The following UBXN7 variants were observed in gnomAD, a reference collection of about 807,000 sequenced individuals.
The protein encoded by UBXN7 is UBX domain protein 7, also known as UBX domain-containing protein 7.
Under a neutral mutation model 58.0 loss-of-function variants are expected in UBXN7, and 9 were observed. That is an observed-to-expected ratio of 0.16 (90% confidence interval 0.09 to 0.27). The LOEUF (loss-of-function observed/expected upper bound fraction) is 0.27. UBXN7 is among the 10% of genes least tolerant of loss of function. The pLI, the probability that UBXN7 is intolerant of heterozygous loss-of-function variation, is 1.00. For synonymous variants in UBXN7, 208 were observed against 205.0 expected, an observed-to-expected ratio of 1.01 and a Z score of -0.12; for missense variants, 328 against 599.6, an observed-to-expected ratio of 0.55 and a Z score of 4.73.
Position 196,375,881 on chromosome 3 carries a change from T to C in UBXN7, c.469-3839A>G, listed in dbSNP as rs1048012145. ...CCATCTCTACTAACGATACTAAAATTAGACGAGCGTGGTGGCGCATGCCTG... is the reference window on the plus strand; with the variant it reads ...CCATCTCTACTAACGATACTAAAATCAGACGAGCGTGGTGGCGCATGCCTG... On this transcript the variant is annotated intron_variant, in intron 5 of 10. Transcript: ENST00000296328. 2.0e-5 allele frequency among the ~76,000 whole-genome samples: 3 copies of C among 152,070 alleles called. 1 individual carries two copies. The highest frequency in any genetic ancestry group is 1.3e-4 in the Admixed American group (2 of 15,254).
chr3:196,393,514 A>G (rs1230650944), intron 4 of UBXN7, 40 bp downstream of exon 4: 1 of 1,566,916 alleles, frequency 6.4e-7, no homozygotes, highest in Non-Finnish European at 8.7e-7. Context: ...TTTAATAGGA[A>G]GAGAAGAGGG....
Position 196,354,029 on chromosome 3 carries a change from T to C in UBXN7, c.*2656A>G, listed in dbSNP as rs1388143106. On this transcript the variant is annotated 3_prime_UTR_variant, in exon 11 of 11. Coordinates refer to ENST00000296328, the MANE Select transcript of UBXN7 (RefSeq NM_015562.2). ...GAAGTAAGGCAAACTGGAAGAAGCA[T>C]ACTGTCAGCGGATTAAATTCTTGAG... 6.6e-6 allele frequency: 1 copy of C among 152,222 alleles called. No homozygotes were observed. Among genetic ancestry groups the C allele is most frequent in the Non-Finnish European group, 1.5e-5 (1 of 68,056 alleles). 9.4% of individuals were successfully genotyped at this position (152,222 alleles called of 1,614,324 possible).
At chr3:196,362,248 C>G in intron 9 of UBXN7, 46 bp downstream of exon 9, 1 of 1,541,656 alleles carries the variant, frequency 6.5e-7, no homozygotes, top group Non-Finnish European at 8.7e-7. Flanking sequence ...CCACGCCCGG[C>G]CCCAATATCT....
intron 5 of UBXN7, among the ~76,000 whole-genome samples, chr3:196,382,352 G>T (rs1242137132): frequency 6.6e-6 from 1 of 152,170 alleles, no homozygotes; most frequent in African/African-American, 2.4e-5. Flanking sequence ...TTAAAGAAAA[G>T]AATTTTCAAC....
chr3:196,409,768 C>T (rs1171850659), intron 1 of UBXN7, among the ~76,000 whole-genome samples: 1 of 152,066 alleles, frequency 6.6e-6, no homozygotes, highest in African/African-American at 2.4e-5. Flanking sequence ...TTTCAGGCCC[C>T]TTTCCTTGCT....
chr3:196,412,236 AAAAAAAAAAAAAAG>A (rs1341339111), intron 1 of UBXN7, among the ~76,000 whole-genome samples: 3 of 112,596 alleles, frequency 2.7e-5, no homozygotes, highest in African/African-American at 9.2e-5. Flanking sequence ...GTCTCAAAAA[AAAAAAAAAAAAAAG>A]AAAAAAGAAA....
At chr3:196,357,044 ATTAC>A (rs954531497) in intron 10 of UBXN7, among the ~76,000 whole-genome samples, 198 bp from the exon 11 acceptor site, 6 of 152,250 alleles carry the variant, frequency 3.9e-5, no homozygotes, top group Non-Finnish European at 7.3e-5. Flanking sequence ...TCTGACCCCA[ATTAC>A]TTACAGCCAT....
At chr3:196,423,559 T>C (rs1056350342) in intron 1 of UBXN7, 8 of 162,252 alleles carry the variant, frequency 4.9e-5, no homozygotes, top group African/African-American at 1.7e-4. Flanking sequence ...AGCTGGGTCA[T>C]GGAAGAGTGG....
chr3:196,376,968 C>T (rs1729047831), intron 5 of UBXN7, among the ~76,000 whole-genome samples: 1 of 151,752 alleles, frequency 6.6e-6, no homozygotes, highest in Admixed American at 6.6e-5. Flanking sequence ...ATCACTTGAA[C>T]CCAGGAAGTT....
At chr3:196,364,385 G>A (rs1254991912) in intron 8 of UBXN7, among the ~76,000 whole-genome samples, 5 of 151,982 alleles carry the variant, frequency 3.3e-5, no homozygotes, top group African/African-American at 9.7e-5. Flanking sequence ...AATAAAAAAG[G>A]CTTTATCTTT....
In UBXN7 at chr3:196,348,938, AAAACAAAACAAAAC is replaced by A. The variant is rs1268775753; in HGVS notation, c.*7733_*7746del. On this transcript the variant is annotated 3_prime_UTR_variant, in exon 11 of 11. Coordinates refer to ENST00000296328, the MANE Select transcript of UBXN7 (RefSeq NM_015562.2). ...TCCTGAAGGGCAAACAAAACAAAAC[AAAACAAAACAAAAC>A]AAACAAAACAAAAAGTAACACTGGA... 2 of 152,122 alleles carry A rather than the reference AAAACAAAACAAAAC, an allele frequency of 1.3e-5. No homozygotes were observed. The highest frequency in any genetic ancestry group is 4.8e-5 in the African/African-American group (2 of 41,398). 9.4% of individuals were successfully genotyped at this position (152,122 alleles called of 1,614,324 possible).
intron 2 of UBXN7, among the ~76,000 whole-genome samples, chr3:196,404,483 C>T (rs1030859625): frequency 1.3e-5 from 2 of 151,998 alleles, no homozygotes; most frequent in Admixed American, 6.6e-5. Context: ...AGGATGGTCT[C>T]AATCTCCTGA....
intron 3 of UBXN7, 104 bp from the exon 4 acceptor site, chr3:196,393,723 C>G (rs1235510296): frequency 6.3e-6 from 7 of 1,107,280 alleles, no homozygotes; most frequent in Middle Eastern, 5.5e-4. Context: ...CATATGAAAC[C>G]CTTCACGAAC....
intron 10 of UBXN7, among the ~76,000 whole-genome samples, chr3:196,361,279 G>A (rs1728497894): frequency 6.6e-6 from 1 of 152,166 alleles, no homozygotes; most frequent in Non-Finnish European, 1.5e-5. Flanking sequence ...TTAAAGGGAG[G>A]GGGGTTGCTT....
At position 196,362,369 on chromosome 3, in the gene UBXN7, G is replaced by A. The variant is rs1728529397; in HGVS notation, c.1153C>T (p.Pro385Ser). The change falls in exon 9 of 11, where the codon CCA becomes TCA. Residue 385 changes from proline (P) to serine (S), a missense_variant. Physicochemically the swap from Pro to Ser is moderately conservative, Grantham distance 74. This residue lies in a region of UBXN7 where 66 missense variants were observed against 77.9 expected (regional missense o/e 0.85). Transcript: ENST00000296328. ...PGTATNHQGLPAVDSEILEMP... is the reference protein window; with the variant it reads ...PGTATNHQGLSAVDSEILEMP... ...TCCAGTATCTCTGAATCCACAGCTG[G>A]CAATCCTTGGTGGTTTGTGGCTGTT... is the stretch of plus-strand genomic sequence containing the variant. The A allele has an allele frequency of 1.9e-6, 3 of 1,614,110 alleles. No individual in the cohort carries two copies. Among genetic ancestry groups the A allele is most frequent in the Non-Finnish European group, 2.5e-6 (3 of 1,180,014 alleles).
intron 1 of UBXN7, among the ~76,000 whole-genome samples, chr3:196,420,929 C>A (rs1292346690): frequency 6.6e-6 from 1 of 152,172 alleles, no homozygotes; most frequent in African/African-American, 2.4e-5. Context: ...TAAAAACAAT[C>A]ATCATCATCC....
chr3:196,361,797 G>A (rs753071089), intron 10 of UBXN7, 47 bp downstream of exon 10: 39 of 1,530,122 alleles, frequency 2.5e-5, no homozygotes, highest in African/African-American at 5.5e-5. Flanking sequence ...TTTGGGACTC[G>A]TCTTATTGCA....
intron 3 of UBXN7, among the ~76,000 whole-genome samples, chr3:196,395,696 A>C (rs1729747761): frequency 1.3e-5 from 2 of 151,952 alleles, no homozygotes; most frequent in African/African-American, 4.8e-5. Context: ...GGGCTCAAGG[A>C]ATCCTCCCAT....
At chr3:196,372,669 A>G (rs1667466089) in intron 5 of UBXN7, among the ~76,000 whole-genome samples, 1 of 151,790 alleles carries the variant, frequency 6.6e-6, no homozygotes, top group East Asian at 1.9e-4. Context: ...GTATGTTTAA[A>G]CATCTTTACC....
Sources: gnomAD v4.1 joint callset for allele counts (sites outside exome capture counted in the v4.1 genomes callset) on GRCh38, gnomAD v4.1.1 for gene constraint, gnomAD v4.1.1 regional missense constraint, MANE v1.5 for transcripts, NCBI Gene and HGNC (gene_info 2026-07-23, HGNC 2026-07-21) for gene names.